PTK2: variants seen among roughly 807,000 people sequenced by gnomAD.
The protein encoded by PTK2 is focal adhesion kinase 1.
In PTK2, 45 loss-of-function variants were observed where a neutral mutation model predicts 150.1. That is an observed-to-expected ratio of 0.30 (90% CI 0.24 to 0.38). The LOEUF is 0.38. PTK2 is among the 10% of genes least tolerant of loss of function. The pLI, the probability that PTK2 is intolerant of heterozygous loss-of-function variation, is 1.00. For synonymous variants in PTK2, 432 were observed against 449.2 expected, an observed-to-expected ratio of 0.96 and a Z score of 0.48; for missense variants, 919 against 1,307.3, an observed-to-expected ratio of 0.70 and a Z score of 4.58.
At chr8:140,736,905 T>C (rs2100052907) in intron 21 of PTK2, among the ~76,000 whole-genome samples, 1 of 152,234 alleles carries the variant, frequency 6.6e-6, no homozygotes, top group Non-Finnish European at 1.5e-5. Flanking sequence ...CTTTAGAACC[T>C]AGAATGAAAT....
At chr8:140,694,366 T>C (rs1450712056) in intron 26 of PTK2, among the ~76,000 whole-genome samples, 2 of 152,192 alleles carry the variant, frequency 1.3e-5, no homozygotes, top group African/African-American at 2.4e-5. Flanking sequence ...GACATTTTTA[T>C]AGCAATTTGA....
intron 2 of PTK2, among the ~76,000 whole-genome samples, chr8:140,899,340 C>G (rs1173420700): frequency 1.3e-5 from 2 of 152,130 alleles, no homozygotes; most frequent in Non-Finnish European, 2.9e-5. Context: ...AGCCACTATA[C>G]TGATTACTAC....
At chr8:140,869,954 T>C (rs1163442810) in intron 4 of PTK2, among the ~76,000 whole-genome samples, 2 of 150,700 alleles carry the variant, frequency 1.3e-5, no homozygotes, top group African/African-American at 4.9e-5. Context: ...ATGTGTATAA[T>C]ATATACAATT....
chr8:140,752,190 A>T, intron 17 of PTK2, 42 bp downstream of exon 20: 1 of 1,489,894 alleles, frequency 6.7e-7, no homozygotes, highest in Non-Finnish European at 9.3e-7. Flanking sequence ...TTTCACAGAT[A>T]GAAAGTCAAA....
At chr8:140,768,330 T>A (rs2100073571) in intron 14 of PTK2, among the ~76,000 whole-genome samples, 3 of 152,222 alleles carry the variant, frequency 2.0e-5, no homozygotes. Flanking sequence ...TTAAGTACAC[T>A]TGCCCTGGCT....
intron 5 of PTK2, among the ~76,000 whole-genome samples, chr8:140,849,614 C>T (rs564763058): frequency 3.8e-4 from 58 of 152,290 alleles, no homozygotes; most frequent in African/African-American, 1.3e-3. Flanking sequence ...CTATTATCAT[C>T]CCCATTTTAT....
At chr8:140,811,438 G>T (rs2100101500) in intron 10 of PTK2, among the ~76,000 whole-genome samples, 1 of 152,316 alleles carries the variant, frequency 6.6e-6, no homozygotes, top group South Asian at 2.1e-4. Context: ...TTCAAAGGTT[G>T]AAGAAACGTT....
At chr8:140,910,452 A>C (rs1056060612) in intron 2 of PTK2, among the ~76,000 whole-genome samples, 2 of 152,172 alleles carry the variant, frequency 1.3e-5, no homozygotes, top group African/African-American at 4.8e-5. Context: ...TCAAGTTACA[A>C]TCCAAGTAAA....
intron 23 of PTK2, among the ~76,000 whole-genome samples, chr8:140,713,239 T>G (rs749353989): frequency 2.0e-5 from 3 of 152,222 alleles, no homozygotes; most frequent in Non-Finnish European, 4.4e-5. Flanking sequence ...TGTCAGCAGC[T>G]CTATTAGCGG....
chr8:140,777,325 T>C (rs1311473787), intron 14 of PTK2, among the ~76,000 whole-genome samples: 2 of 152,070 alleles, frequency 1.3e-5, no homozygotes, highest in Non-Finnish European at 2.9e-5. Context: ...AGCAGGCACA[T>C]CACACAGCAA....
chr8:140,861,352 AAAAAT>A (rs1238362017), intron 5 of PTK2, among the ~76,000 whole-genome samples: 2 of 152,206 alleles, frequency 1.3e-5, no homozygotes, highest in African/African-American at 4.8e-5. Flanking sequence ...CTGTCTCTAT[AAAAAT>A]AAAATAAAAT....
At chr8:140,674,442 T>G (rs1220040668) in intron 28 of PTK2, 38 bp from the exon 32 acceptor site, 47 of 1,517,344 alleles carry the variant, frequency 3.1e-5, no homozygotes, top group Non-Finnish European at 4.2e-5. Flanking sequence ...GTCATGTGCG[T>G]TAAGAAAGAT....
chr8:140,817,893 A>G (rs193211966), intron 10 of PTK2, among the ~76,000 whole-genome samples: 32 of 152,240 alleles, frequency 2.1e-4, no homozygotes, highest in Non-Finnish European at 1.5e-4. Context: ...TTGTGAATGT[A>G]TAATTTTTTT....
intron 29 of PTK2, 133 bp downstream of exon 33, chr8:140,669,594 G>T: frequency 3.2e-6 from 3 of 934,364 alleles, no homozygotes; most frequent in African/African-American, 1.6e-5. Flanking sequence ...GCATCTGTCA[G>T]TCATGAGAGG....
intron 2 of PTK2, among the ~76,000 whole-genome samples, chr8:140,919,709 T>C (rs1023481688): frequency 6.6e-6 from 1 of 152,118 alleles, no homozygotes; most frequent in Non-Finnish European, 1.5e-5. Flanking sequence ...AAACTAAAAT[T>C]TTAAAAAGTT....
intron 27 of PTK2, among the ~76,000 whole-genome samples, chr8:140,681,192 C>A (rs1401758600): frequency 6.6e-6 from 1 of 151,368 alleles, no homozygotes. Flanking sequence ...TGGTGAAACC[C>A]CGTCTCTACT....
chr8:140,920,745 T>G, intron 2 of PTK2: 2 of 1,285,078 alleles, frequency 1.6e-6, no homozygotes, highest in Non-Finnish European at 2.0e-6. Flanking sequence ...CTGAAAAACA[T>G]TTATCTACCT....
Position 140,795,934 on chromosome 8 carries a change from G to A in PTK2, c.1094-2550C>T, listed in dbSNP as rs1253518534. On this transcript the variant is annotated intron_variant, in intron 12 of 31. Coordinates refer to ENST00000522684, the Ensembl canonical transcript of PTK2. ...AAAGCTCAATTCAAGTTCTATTTCC[G>A]GCAGAGAGCCCTTCCTGGAATACCT... Among the ~76,000 whole-genome samples the A allele has an allele frequency of 3.9e-5, 6 of 152,088 alleles. No homozygotes were observed. The South Asian group carries it at 6.2e-4, about 16-fold the overall frequency.
chr8:140,973,696 T>C (rs954287743), intron 1 of PTK2, among the ~76,000 whole-genome samples: 15 of 152,158 alleles, frequency 9.9e-5, no homozygotes, highest in African/African-American at 3.4e-4. Context: ...CTCAAGGCAA[T>C]TCCTTAGGAT....
Sources: gnomAD v4.1 joint callset for allele counts (sites outside exome capture counted in the v4.1 genomes callset) on GRCh38, gnomAD v4.1.1 for gene constraint, MANE v1.5 for transcripts, NCBI Gene and HGNC (gene_info 2026-07-23, HGNC 2026-07-21) for gene names.